The following RAB6A variants were observed in gnomAD, a reference collection of about 807,000 sequenced individuals.
RAB6A encodes the protein ras-related protein Rab-6A.
In RAB6A, 8 loss-of-function variants were observed where a neutral mutation model predicts 32.3. That is an observed-to-expected ratio of 0.25 (90% CI 0.15 to 0.45). The LOEUF (loss-of-function observed/expected upper bound fraction) is 0.45. RAB6A is among the 20% of genes least tolerant of loss of function. The pLI, the probability that RAB6A is intolerant of heterozygous loss-of-function variation, is 1.00. For missense variants in RAB6A, 104 were observed against 249.4 expected (o/e 0.42, Z 3.93); for synonymous variants, 73 against 82.1 (o/e 0.89, Z 0.60).
At chr11:73,701,265 A>AT (rs1307447694) in intron 6 of RAB6A, among the ~76,000 whole-genome samples, 2 of 152,244 alleles carry the variant, frequency 1.3e-5, no homozygotes, top group Non-Finnish European at 2.9e-5. Context: ...GTCAAATAAA[A>AT]TGAGTACAAT....
At chr11:73,707,999 A>G (rs1053713735) in intron 5 of RAB6A, among the ~76,000 whole-genome samples, 4 of 152,188 alleles carry the variant, frequency 2.6e-5, no homozygotes, top group African/African-American at 9.6e-5. Flanking sequence ...GTGTAAAACA[A>G]TTTTTATGGC....
chr11:73,717,614 T>G (rs1397751544), intron 4 of RAB6A, among the ~76,000 whole-genome samples: 1 of 152,204 alleles, frequency 6.6e-6, no homozygotes, highest in African/African-American at 2.4e-5. Context: ...CTGGCTAATT[T>G]TGCATTTTTA....
In RAB6A at chr11:73,728,610, A is replaced by AAATAATAATAATAATAATAATAAT. The variant is rs71065031; in HGVS notation, c.129+2131_129+2154dup. Among the ~76,000 whole-genome samples the AAATAATAATAATAATAATAATAAT allele has an allele frequency of 4.4e-3, 598 of 136,450 alleles. 3 individuals are homozygous for AAATAATAATAATAATAATAATAAT. The highest frequency in any genetic ancestry group is 0.014 in the East Asian group (67 of 4,700). The allele number at this position is 136,450 out of a possible 152,430, so 89.5% of individuals were successfully genotyped here. On this transcript the variant is annotated intron_variant, in intron 2 of 7. Coordinates refer to ENST00000336083, the MANE Select transcript of RAB6A (RefSeq NM_198896.2). Reference sequence around the variant, plus strand: ...CAACATAGCAAATCTGTCTTTGTTTAAATAATAATAATAATAATAATAATA... The same window carrying AAATAATAATAATAATAATAATAAT: ...CAACATAGCAAATCTGTCTTTGTTTAAATAATAATAATAATAATAATAATAATAATAATAATAATAATAATAATA...
chr11:73,682,064 A>G (rs1469532848), intron 6 of RAB6A, among the ~76,000 whole-genome samples: 1 of 152,244 alleles, frequency 6.6e-6, no homozygotes, highest in Non-Finnish European at 1.5e-5. Flanking sequence ...ATCAAAGATC[A>G]TGTAGCTGTA....
intron 5 of RAB6A, among the ~76,000 whole-genome samples, chr11:73,714,209 A>T (rs1917744): frequency 0.11 from 6,278 of 55,440 alleles, 237 homozygotes; most frequent in Admixed American, 0.12. Flanking sequence ...AAAAAAAAAA[A>T]ATATATATAT....
At chr11:73,741,428 G>A (rs1202070163) in intron 1 of RAB6A, among the ~76,000 whole-genome samples, 6 of 151,970 alleles carry the variant, frequency 3.9e-5, no homozygotes, top group South Asian at 2.1e-4. Context: ...GTGAGCCACC[G>A]TGCCTGGCCC....
At position 73,740,279 on chromosome 11, in the gene RAB6A, T is replaced by C. The variant is rs1389286977; in HGVS notation, c.71-9456A>G. Among the ~76,000 whole-genome samples the C allele has an allele frequency of 2.6e-5, 4 of 152,082 alleles. No individual in the cohort carries two copies. The East Asian group carries it at 5.8e-4, about 22-fold the overall frequency. ...TAGCTTAAATCATATGCTATGATTG[T>C]AGTAACAAAGCCAAGCAAAAGACAC... On this transcript the variant is annotated intron_variant, in intron 1 of 7. Transcript: ENST00000336083.
intron 5 of RAB6A, among the ~76,000 whole-genome samples, chr11:73,709,965 T>C (rs12270175): frequency 3.0e-4 from 11 of 36,386 alleles, no homozygotes; most frequent in African/African-American, 7.7e-4. Flanking sequence ...ATATATATTT[T>C]TTTTTTTTTT....
At chr11:73,681,891 A>G (rs1945364799) in intron 6 of RAB6A, among the ~76,000 whole-genome samples, 1 of 152,192 alleles carries the variant, frequency 6.6e-6, no homozygotes, top group African/African-American at 2.4e-5. Flanking sequence ...GGGTAGGTGC[A>G]GGGATATGAA....
intron 1 of RAB6A, among the ~76,000 whole-genome samples, chr11:73,759,395 T>C (rs1433650585): frequency 1.3e-5 from 2 of 152,100 alleles, no homozygotes; most frequent in Non-Finnish European, 2.9e-5. Flanking sequence ...ATCTAGTATC[T>C]AATACAAAAG....
At chr11:73,753,211 C>G (rs1946694514) in intron 1 of RAB6A, among the ~76,000 whole-genome samples, 1 of 152,166 alleles carries the variant, frequency 6.6e-6, no homozygotes, top group African/African-American at 2.4e-5. Context: ...AATGGCACCC[C>G]TGTACTGTAG....
chr11:73,747,084 A>C (rs1454503889), intron 1 of RAB6A, among the ~76,000 whole-genome samples: 1 of 151,152 alleles, frequency 6.6e-6, no homozygotes, highest in Non-Finnish European at 1.5e-5. Flanking sequence ...GAGCCACCCC[A>C]ACCAGCCATA....
At chr11:73,760,501 C>T in intron 1 of RAB6A, 65 bp downstream of exon 1, 2 of 1,531,498 alleles carry the variant, frequency 1.3e-6, no homozygotes, top group South Asian at 1.2e-5. Context: ...GACGGAAGGG[C>T]CGCACCGGGG....
At chr11:73,749,865 G>GA (rs1946647984) in intron 1 of RAB6A, among the ~76,000 whole-genome samples, 1 of 151,872 alleles carries the variant, frequency 6.6e-6, no homozygotes, top group African/African-American at 2.4e-5. Context: ...CTGACTGTAA[G>GA]AAAAAAACAA....
intron 7 of RAB6A, 141 bp from the exon 8 acceptor site, chr11:73,678,103 A>G (rs1204806144): frequency 2.4e-6 from 2 of 829,506 alleles, no homozygotes; most frequent in East Asian, 5.3e-5. Context: ...CCGCCTCACC[A>G]TATAAGGTGC....
At chr11:73,735,205 G>C (rs1409048695) in intron 1 of RAB6A, among the ~76,000 whole-genome samples, 2 of 152,174 alleles carry the variant, frequency 1.3e-5, no homozygotes, top group Non-Finnish European at 2.9e-5. Flanking sequence ...AATGATCTCA[G>C]TAGGATTCAC....
chr11:73,728,362 G>A (rs542275862), intron 2 of RAB6A, among the ~76,000 whole-genome samples: 32 of 152,156 alleles, frequency 2.1e-4, no homozygotes, highest in African/African-American at 7.0e-4. Context: ...ATCATGAAAC[G>A]CTGCTGGATT....
intron 1 of RAB6A, among the ~76,000 whole-genome samples, chr11:73,736,977 CAAAAAAAAAAA>C (rs535172648): frequency 1.5e-5 from 1 of 64,954 alleles, no homozygotes. Flanking sequence ...GACACTGTCT[CAAAAAAAAAAA>C]AAAAAAAAAG....
chr11:73,707,379 A>T, intron 6 of RAB6A, 41 bp downstream of exon 6: 1 of 1,416,194 alleles, frequency 7.1e-7, no homozygotes, highest in Admixed American at 1.7e-5. Flanking sequence ...TCACACAATT[A>T]TTTCATATTT....
Sources: gnomAD v4.1 joint callset for allele counts (sites outside exome capture counted in the v4.1 genomes callset) on GRCh38, gnomAD v4.1.1 for gene constraint, MANE v1.5 for transcripts, NCBI Gene and HGNC (gene_info 2026-07-23, HGNC 2026-07-21) for gene names.